MAF: variants seen among roughly 807,000 people sequenced by gnomAD.
MAF encodes MAF bZIP transcription factor.
In MAF, 10 loss-of-function variants were observed where a neutral mutation model predicts 22.0. That is an observed-to-expected ratio of 0.45 (90% CI 0.28 to 0.77). The LOEUF (loss-of-function observed/expected upper bound fraction) is 0.77. Ranked by LOEUF, MAF falls within the 30% of genes least tolerant of loss-of-function variation. MAF has a pLI of 0.12. For synonymous variants in MAF, 337 were observed against 255.8 expected (o/e 1.32, Z -3.03); for missense variants, 544 against 548.4 (o/e 0.99, Z 0.08).
the MAF span, among the ~76,000 whole-genome samples, chr16:79,314,640 G>C: frequency 1.9e-4 from 29 of 152,342 alleles, no homozygotes; most frequent in African/African-American, 7.0e-4. Flanking sequence ...AGGAATCTTA[G>C]CTGGAGCAAA....
At position 79,600,476 on chromosome 16, in the gene MAF, C is replaced by G. The variant is rs1913972246; in HGVS notation, c.-574G>C. ...CTCGCCTCCTCTTCTGCTTGGCTCT[C>G]TTTATTATTTTTTTTCTTTCCTCTC... is the stretch of plus-strand genomic sequence containing the variant. On this transcript the variant is annotated 5_prime_UTR_variant, in exon 1 of 2. Transcript: ENST00000326043. The G allele has an allele frequency of 5.1e-6, 1 of 196,032 alleles. No homozygotes were observed. The allele number at this position is 196,032 out of a possible 1,614,324, so 12.1% of individuals were successfully genotyped here.
the MAF span, among the ~76,000 whole-genome samples, chr16:79,479,136 C>G: frequency 6.6e-6 from 1 of 150,946 alleles, no homozygotes; most frequent in African/African-American, 2.4e-5. Context: ...TCTGGTGCAC[C>G]TGTGCACCAC....
At chr16:79,295,314 G>A in the MAF span, among the ~76,000 whole-genome samples, 3 of 149,232 alleles carry the variant, frequency 2.0e-5, no homozygotes, top group South Asian at 2.1e-4. Context: ...TGAATCGGGC[G>A]GCCTTCTGAG....
chr16:79,429,068 T>C, the MAF span, among the ~76,000 whole-genome samples: 1 of 152,078 alleles, frequency 6.6e-6, no homozygotes, highest in Non-Finnish European at 1.5e-5. Flanking sequence ...AATGCGGATG[T>C]CTTTAAATGC....
the MAF span, among the ~76,000 whole-genome samples, chr16:79,300,574 C>A: frequency 1.3e-5 from 2 of 151,900 alleles, no homozygotes; most frequent in African/African-American, 4.8e-5. Flanking sequence ...AACAAACAAA[C>A]AAACAAACAA....
At chr16:79,305,929 G>A in the MAF span, among the ~76,000 whole-genome samples, 1 of 152,160 alleles carries the variant, frequency 6.6e-6, no homozygotes, top group Non-Finnish European at 1.5e-5. Context: ...CCAAGTCCTG[G>A]CTTGTATTAG....
the MAF span, among the ~76,000 whole-genome samples, chr16:79,488,796 T>C: frequency 6.6e-6 from 1 of 152,110 alleles, no homozygotes; most frequent in African/African-American, 2.4e-5. Context: ...TTCATCAACC[T>C]TCCGGGAGCA....
the MAF span, among the ~76,000 whole-genome samples, chr16:79,285,171 T>C: frequency 6.6e-6 from 1 of 152,310 alleles, no homozygotes; most frequent in East Asian, 1.9e-4. Flanking sequence ...TAGGCATTTG[T>C]CTGCTGCTCT....
the MAF span, among the ~76,000 whole-genome samples, chr16:79,508,625 C>T: frequency 6.6e-6 from 1 of 152,218 alleles, no homozygotes; most frequent in Non-Finnish European, 1.5e-5. Context: ...TACCATCCTA[C>T]CAGAGCCCAC....
the MAF span, chr16:79,202,826 A>G: frequency 6.6e-6 from 1 of 152,228 alleles, no homozygotes; most frequent in Admixed American, 6.5e-5. Context: ...TTTACAGTCT[A>G]CATAGGGGAA....
chr16:79,282,486 A>T, the MAF span, among the ~76,000 whole-genome samples: 5 of 152,274 alleles, frequency 3.3e-5, 1 homozygote, highest in South Asian at 1.0e-3. Context: ...GGGAGCCTGA[A>T]TCTTTAAGGT....
the MAF span, among the ~76,000 whole-genome samples, chr16:79,216,077 G>C: frequency 1.3e-5 from 2 of 152,098 alleles, no homozygotes; most frequent in Non-Finnish European, 2.9e-5. Flanking sequence ...TCCTATTTTA[G>C]CTTATTCTAT....
downstream of MAF, among the ~76,000 whole-genome samples, chr16:79,591,570 G>A (rs1402242814): frequency 6.6e-6 from 1 of 152,192 alleles, no homozygotes; most frequent in Non-Finnish European, 1.5e-5. Flanking sequence ...TTTGTGTAAG[G>A]AACTGTGCAT....
chr16:79,313,895 G>A, the MAF span, among the ~76,000 whole-genome samples: 1 of 152,290 alleles, frequency 6.6e-6, no homozygotes, highest in African/African-American at 2.4e-5. Context: ...TTCTGAGCCT[G>A]CCTGTTCATA....
the MAF span, among the ~76,000 whole-genome samples, chr16:79,402,553 C>A: frequency 2.2e-4 from 33 of 152,286 alleles, no homozygotes; most frequent in African/African-American, 7.5e-4. Flanking sequence ...CTGGGTGGGG[C>A]CTGGCCTACC....
At chr16:79,488,583 C>G in the MAF span, among the ~76,000 whole-genome samples, 1 of 152,098 alleles carries the variant, frequency 6.6e-6, no homozygotes, top group South Asian at 2.1e-4. Flanking sequence ...AGATGGTGCT[C>G]CTCACATTGT....
At chr16:79,392,016 A>G in the MAF span, among the ~76,000 whole-genome samples, 7 of 148,096 alleles carry the variant, frequency 4.7e-5, no homozygotes, top group Non-Finnish European at 1.0e-4. Flanking sequence ...CAGAGTAAGG[A>G]AAGAGAGAGA....
the MAF span, among the ~76,000 whole-genome samples, chr16:79,213,581 C>A: frequency 6.6e-6 from 1 of 152,188 alleles, no homozygotes; most frequent in South Asian, 2.1e-4. Flanking sequence ...GCTTGCCTTT[C>A]CTTGTTGATC....
the MAF span, among the ~76,000 whole-genome samples, chr16:79,447,839 G>A: frequency 0.019 from 2,486 of 130,588 alleles, 30 homozygotes; most frequent in Middle Eastern, 0.023. Context: ...GGACGTTGTT[G>A]TTAGCTGAGA....
Sources: gnomAD v4.1 joint callset for allele counts (sites outside exome capture counted in the v4.1 genomes callset) on GRCh38, gnomAD v4.1.1 for gene constraint, MANE v1.5 for transcripts, NCBI Gene and HGNC (gene_info 2026-07-23, HGNC 2026-07-21) for gene names.